Variants in TM9SF3 observed in about 807,000 individuals in gnomAD.
The protein encoded by TM9SF3 is transmembrane 9 superfamily member 3, also known as SM-11044-binding protein.
Under a neutral mutation model 78.6 loss-of-function variants are expected in TM9SF3, and 14 were observed. The observed-to-expected ratio is 0.18, with a 90% CI of 0.12 to 0.28. The LOEUF (loss-of-function observed/expected upper bound fraction) is 0.28, where lower values mean the gene tolerates loss of function less well. TM9SF3 is among the 10% of genes least tolerant of loss of function. TM9SF3 has a pLI of 1.00. For synonymous variants in TM9SF3, 231 were observed against 241.7 expected (o/e 0.96, Z 0.41); for missense variants, 496 against 721.9 (o/e 0.69, Z 3.59).
At chr10:96,528,504 T>C (rs1847862743) in intron 11 of TM9SF3, among the ~76,000 whole-genome samples, 1 of 152,154 alleles carries the variant, frequency 6.6e-6, no homozygotes, top group Non-Finnish European at 1.5e-5. Context: ...TGTATCCATA[T>C]TGTTTTGTAG....
intron 12 of TM9SF3, 146 bp from the exon 13 acceptor site, chr10:96,527,642 ATT>A: frequency 1.6e-6 from 1 of 617,990 alleles, no homozygotes; most frequent in Non-Finnish European, 2.7e-6. Context: ...TGGTATTCAA[ATT>A]TATCAACAAG....
chr10:96,521,092 T>C lies in TM9SF3; in HGVS notation c.*1171A>G. On this transcript the variant is annotated 3_prime_UTR_variant, in exon 15 of 15. Transcript: ENST00000371142. ...ATTAAGTGTCTCTAAATTACAAATT[T>C]GGCTCCTGTAGGAGTCTCAGAAAAT... The C allele has an allele frequency of 2.6e-6, 1 of 386,932 alleles. No homozygotes were observed. Among genetic ancestry groups the C allele is most frequent in the Non-Finnish European group, 4.6e-6 (1 of 218,044 alleles). The allele number at this position is 386,932 out of a possible 1,614,324, so 24.0% of individuals were successfully genotyped here.
chr10:96,539,544 A>G (rs1261821096), intron 9 of TM9SF3, among the ~76,000 whole-genome samples: 1 of 152,246 alleles, frequency 6.6e-6, no homozygotes, highest in Non-Finnish European at 1.5e-5. Flanking sequence ...AAGAAAAGAA[A>G]GGATGAATTA....
chr10:96,565,414 G>A lies in TM9SF3; in HGVS notation c.311C>T (p.Pro104Leu). ...LDIKFKDDVM[P>L]ATYCEIDLDK... Reference sequence around the variant, plus strand: ...TAAATCAATTTCACAGTAAGTGGCTGGCATCACATCATCTGCACAAAATAA... The same window carrying A: ...TAAATCAATTTCACAGTAAGTGGCTAGCATCACATCATCTGCACAAAATAA... Residue 104 changes from proline (P) to leucine (L), a missense_variant, in exon 3 of 15, where the codon CCA becomes CTA. Physicochemically the swap from Pro to Leu is moderately conservative, Grantham distance 98. This residue lies in a region of TM9SF3 where 155 missense variants were observed against 241.6 expected (regional missense o/e 0.64). Transcript: ENST00000371142. 1 of 1,550,056 alleles carries A rather than the reference G, an allele frequency of 6.5e-7. No individual in the cohort carries two copies. The highest frequency in any genetic ancestry group is 1.4e-5 in the African/African-American group (1 of 70,358).
At chr10:96,556,610 C>T (rs968847673) in intron 5 of TM9SF3, among the ~76,000 whole-genome samples, 8 of 152,082 alleles carry the variant, frequency 5.3e-5, no homozygotes, top group Non-Finnish European at 1.5e-5. Flanking sequence ...TTTGCAATCT[C>T]CACTGAACCC....
At chr10:96,584,582 C>T (rs1054005151) in intron 1 of TM9SF3, among the ~76,000 whole-genome samples, 1 of 152,126 alleles carries the variant, frequency 6.6e-6, no homozygotes, top group Non-Finnish European at 1.5e-5. Flanking sequence ...CCAAGGCAGG[C>T]AGATCACTTG....
chr10:96,529,618 A>G (rs1847874728), intron 11 of TM9SF3, among the ~76,000 whole-genome samples: 1 of 150,588 alleles, frequency 6.6e-6, no homozygotes, highest in East Asian at 1.9e-4. Context: ...AAAAAATTTC[A>G]ATGAAAAAAA....
At chr10:96,561,284 A>G (rs1848305742) in intron 4 of TM9SF3, among the ~76,000 whole-genome samples, 1 of 152,206 alleles carries the variant, frequency 6.6e-6, no homozygotes, top group African/African-American at 2.4e-5. Flanking sequence ...TTATTTTTAG[A>G]CTGCATTACT....
chr10:96,550,842 A>T (rs889968933), intron 7 of TM9SF3, among the ~76,000 whole-genome samples: 26 of 152,140 alleles, frequency 1.7e-4, no homozygotes, highest in African/African-American at 6.3e-4. Flanking sequence ...TTCTACTCTG[A>T]TGTTTTCCAG....
intron 9 of TM9SF3, among the ~76,000 whole-genome samples, chr10:96,533,636 G>C (rs965049797): frequency 2.6e-5 from 4 of 152,148 alleles, no homozygotes; most frequent in Admixed American, 2.6e-4. Flanking sequence ...CTCAGAGAAG[G>C]ATAAGTAACT....
chr10:96,530,034 G>A (rs1452890989), intron 11 of TM9SF3, among the ~76,000 whole-genome samples: 1 of 152,180 alleles, frequency 6.6e-6, no homozygotes, highest in East Asian at 1.9e-4. Flanking sequence ...CAGATGTAAA[G>A]CACAGTAAGT....
chr10:96,543,344 C>CTTTTTTTTTTTTTTTTTT (rs398014526), intron 9 of TM9SF3, among the ~76,000 whole-genome samples: 2 of 136,894 alleles, frequency 1.5e-5, no homozygotes, highest in Non-Finnish European at 3.1e-5. Context: ...TAGTGAGATT[C>CTTTTTTTTTTTTTTTTTT]TTTTTTTTGA....
At chr10:96,578,357 G>A (rs1310753103) in intron 1 of TM9SF3, among the ~76,000 whole-genome samples, 1 of 152,102 alleles carries the variant, frequency 6.6e-6, no homozygotes, top group East Asian at 1.9e-4. Flanking sequence ...AATCAGACAA[G>A]TAAATGATTA....
At chr10:96,586,442 T>C (rs1212538514) in intron 1 of TM9SF3, among the ~76,000 whole-genome samples, 3 of 152,014 alleles carry the variant, frequency 2.0e-5, no homozygotes, top group Non-Finnish European at 4.4e-5. Flanking sequence ...CCCAGGCTCC[T>C]TCCTGGCCCC....
intron 10 of TM9SF3, among the ~76,000 whole-genome samples, chr10:96,531,163 A>C (rs1847889530): frequency 6.6e-6 from 1 of 152,044 alleles, no homozygotes; most frequent in South Asian, 2.1e-4. Flanking sequence ...CATTCCACAA[A>C]CATTTACTGA....
chr10:96,571,529 G>A (rs2134157058), intron 2 of TM9SF3, among the ~76,000 whole-genome samples: 1 of 152,234 alleles, frequency 6.6e-6, no homozygotes, highest in African/African-American at 2.4e-5. Flanking sequence ...CTCACCTTTT[G>A]GCAATCAGGC....
At chr10:96,570,791 G>C (rs1162651656) in intron 2 of TM9SF3, among the ~76,000 whole-genome samples, 1 of 152,190 alleles carries the variant, frequency 6.6e-6, no homozygotes, top group African/African-American at 2.4e-5. Context: ...TGTCACGCAG[G>C]CTGGAGTGCA....
intron 3 of TM9SF3, among the ~76,000 whole-genome samples, chr10:96,564,380 C>T (rs1178260830): frequency 6.6e-6 from 1 of 152,216 alleles, no homozygotes; most frequent in Non-Finnish European, 1.5e-5. Flanking sequence ...ATATTCAGCA[C>T]ATCTTCCTAC....
intron 9 of TM9SF3, 86 bp from the exon 10 acceptor site, chr10:96,533,276 T>G: frequency 2.1e-6 from 3 of 1,461,054 alleles, no homozygotes; most frequent in Non-Finnish European, 2.7e-6. Flanking sequence ...TAAACACAAT[T>G]TGACCACAAA....
Sources: allele counts gnomAD v4.1 joint callset (sites outside exome capture counted in the v4.1 genomes callset), GRCh38; gene constraint gnomAD v4.1.1; regional missense constraint gnomAD v4.1.1; transcripts MANE v1.5; gene names NCBI Gene and HGNC (gene_info 2026-07-23, HGNC 2026-07-21).